The following KCNK9 variants were observed in gnomAD, a reference collection of about 807,000 sequenced individuals.
The protein encoded by KCNK9 is potassium two pore domain channel subfamily K member 9.
A neutral mutation model predicts 10.8 loss-of-function variants in KCNK9; 1 was observed. The ratio of observed to expected loss-of-function variants is 0.09; its 90% CI spans 0.03 to 0.44. The LOEUF (loss-of-function observed/expected upper bound fraction) is 0.44. KCNK9 is among the 20% of genes least tolerant of loss of function. The pLI, the probability that KCNK9 is intolerant of heterozygous loss-of-function variation, is 0.97. For synonymous variants in KCNK9, 231 were observed against 222.7 expected (o/e 1.04, Z -0.33); for missense variants, 303 against 515.0 (o/e 0.59, Z 3.98).
intron 1 of KCNK9, among the ~76,000 whole-genome samples, chr8:139,699,702 A>G (rs1563756799): frequency 6.6e-6 from 1 of 152,218 alleles, no homozygotes; most frequent in Non-Finnish European, 1.5e-5. Context: ...GGATCCCCAG[A>G]GAGCTGGGGT....
intron 1 of KCNK9, among the ~76,000 whole-genome samples, chr8:139,686,191 A>ACATAGT (rs752033282): frequency 5.9e-5 from 9 of 152,374 alleles, no homozygotes; most frequent in Admixed American, 3.3e-4. Flanking sequence ...ACCATTCAGG[A>ACATAGT]CATAGTCATG....
At position 139,618,492 on chromosome 8, in the gene KCNK9, GCA is replaced by G; in HGVS notation, c.889_890del (p.Cys297LeufsTer55). 6.2e-7 allele frequency: 1 copy of G among 1,613,824 alleles called. No individual in the cohort carries two copies. Among genetic ancestry groups the G allele is most frequent in the Non-Finnish European group, 8.5e-7 (1 of 1,180,018 alleles). ...KADVPDLQSV[C>X]SCTCYRSQDY... Reference sequence around the variant, plus strand: ...CCTGCGAGCGGTAGCAGGTGCAGGAGCACACAGACTGCAGGTCCGGGACGTCC... The same window carrying G: ...CCTGCGAGCGGTAGCAGGTGCAGGAGCACAGACTGCAGGTCCGGGACGTCC... On this transcript the variant is annotated frameshift_variant, in exon 2 of 2. Transcript: ENST00000520439. LOFTEE classifies it low-confidence loss of function (END_TRUNC). This position sits in a 1 kb window ranked among gnomAD's most constrained non-coding sequence, Gnocchi z 7.9.
chr8:139,602,208 C>T (rs1817387629), intron 2 of KCNK9: 1 of 152,278 alleles, frequency 6.6e-6, no homozygotes, highest in Admixed American at 6.5e-5. Context: ...AAGTGCAACC[C>T]TGATAGGCCT....
chr8:139,639,987 C>A (rs1362303806), intron 1 of KCNK9, among the ~76,000 whole-genome samples: 2 of 152,148 alleles, frequency 1.3e-5, no homozygotes, highest in African/African-American at 4.8e-5. Flanking sequence ...ACAGTGGGGG[C>A]CTGCCTGGTT....
intron 1 of KCNK9, among the ~76,000 whole-genome samples, chr8:139,686,055 G>A (rs953710447): frequency 2.0e-5 from 3 of 152,186 alleles, no homozygotes; most frequent in African/African-American, 7.2e-5. Context: ...AAACTGGCTA[G>A]CCATATGTAG....
At chr8:139,623,017 C>A (rs1029468800) in intron 1 of KCNK9, among the ~76,000 whole-genome samples, 1 of 152,190 alleles carries the variant, frequency 6.6e-6, no homozygotes, top group Non-Finnish European at 1.5e-5. Context: ...GCAGTGTGTG[C>A]GCCTGTAGAA....
intron 1 of KCNK9, among the ~76,000 whole-genome samples, chr8:139,639,215 C>A (rs570951555): frequency 5.9e-5 from 9 of 152,328 alleles, no homozygotes; most frequent in African/African-American, 1.9e-4. Flanking sequence ...TACCACTCAC[C>A]GAGCACTCGC....
chr8:139,606,514 T>C (rs1449305430), intron 2 of KCNK9, among the ~76,000 whole-genome samples: 2 of 152,158 alleles, frequency 1.3e-5, no homozygotes, highest in African/African-American at 4.8e-5. Flanking sequence ...TATATGCCAA[T>C]CATTTTGATG....
rs1254715369 is a variant in KCNK9, at chr8:139,678,368, C to T, written c.283+24342G>A. Reference sequence around the variant, plus strand: ...TGGGTGAGAGCCCTGAGGTCACTGTCCCTCTAGGACCACAGCCCCGTGTCC... The same window carrying T: ...TGGGTGAGAGCCCTGAGGTCACTGTTCCTCTAGGACCACAGCCCCGTGTCC... On this transcript the variant is annotated intron_variant, in intron 1 of 1. Transcript: ENST00000520439. Among the ~76,000 whole-genome samples, 3 of 152,218 alleles carry T rather than the reference C, an allele frequency of 2.0e-5. No homozygotes were observed. The South Asian group carries it at 6.2e-4, about 32-fold the overall frequency.
chr8:139,643,863 C>T (rs1400983480), intron 1 of KCNK9, among the ~76,000 whole-genome samples: 1 of 152,212 alleles, frequency 6.6e-6, no homozygotes, highest in African/African-American at 2.4e-5. Context: ...TGAGCCACAG[C>T]CCCCAGCCCC....
intron 1 of KCNK9, among the ~76,000 whole-genome samples, chr8:139,689,275 AG>A (rs1816884967): frequency 6.6e-6 from 1 of 152,228 alleles, no homozygotes; most frequent in South Asian, 2.1e-4. Context: ...ACGAATCCAA[AG>A]GTAGACTGTG....
At chr8:139,630,564 C>A (rs971960414) in intron 1 of KCNK9, among the ~76,000 whole-genome samples, 3 of 152,258 alleles carry the variant, frequency 2.0e-5, no homozygotes, top group African/African-American at 7.2e-5. Flanking sequence ...AGACACAGGC[C>A]TGAGCCTGCA....
At chr8:139,688,377 A>G (rs1242178568) in intron 1 of KCNK9, among the ~76,000 whole-genome samples, 1 of 152,194 alleles carries the variant, frequency 6.6e-6, no homozygotes, top group East Asian at 1.9e-4. Flanking sequence ...AAAACTTACA[A>G]TCGTGGTGGA....
intron 1 of KCNK9, among the ~76,000 whole-genome samples, chr8:139,628,402 G>A (rs1417925282): frequency 6.6e-6 from 1 of 152,220 alleles, no homozygotes; most frequent in Non-Finnish European, 1.5e-5. Flanking sequence ...GGTCGTTCTG[G>A]GTAATCTAAG....
chr8:139,602,777 C>T (rs1027529208), intron 2 of KCNK9, among the ~76,000 whole-genome samples: 14 of 152,322 alleles, frequency 9.2e-5, no homozygotes, highest in African/African-American at 2.6e-4. Flanking sequence ...GAGGTGCTCA[C>T]GTGAGAAGGA....
chr8:139,618,526 T>C lies in KCNK9; in HGVS notation c.857A>G (p.Tyr286Cys). The C allele has an allele frequency of 6.2e-7, 1 of 1,613,662 alleles. No homozygotes were observed. Among genetic ancestry groups the C allele is most frequent in the South Asian group, 1.1e-5 (1 of 91,072 alleles). Residue 286 changes from tyrosine (Y) to cysteine (C), a missense_variant, in exon 2 of 2, where the codon TAC becomes TGC. By Grantham distance (194) the Tyr-to-Cys change is radical. Around this residue, in one of 5 missense-constraint regions of KCNK9, gnomAD observed 138 missense variants for 161.1 expected, o/e 0.86. Transcript: ENST00000520439. The surrounding 1 kb of genome is among the most constrained non-coding windows in gnomAD (Gnocchi z 7.9). ...PEEPRPSRPR[Y>C]KADVPDLQSV... Reference sequence around the variant, plus strand: ...CTGCAGGTCCGGGACGTCCGCCTTGTACCTGGGCCGGCTGGGCCGCGGCTC... The same window carrying C: ...CTGCAGGTCCGGGACGTCCGCCTTGCACCTGGGCCGGCTGGGCCGCGGCTC...
chr8:139,696,976 G>A (rs953000406), intron 1 of KCNK9, among the ~76,000 whole-genome samples: 2 of 150,820 alleles, frequency 1.3e-5, no homozygotes, highest in East Asian at 2.0e-4. Context: ...TGGATGGGTG[G>A]GTGGGTAGGT....
downstream of KCNK9, among the ~76,000 whole-genome samples, chr8:139,607,777 C>A (rs530228775): frequency 1.3e-4 from 20 of 152,352 alleles, no homozygotes; most frequent in East Asian, 3.5e-3. Context: ...TGGGCCCTGT[C>A]TCTCCAAATT....
At chr8:139,650,287 G>A (rs1815824475) in intron 1 of KCNK9, among the ~76,000 whole-genome samples, 4 of 152,196 alleles carry the variant, frequency 2.6e-5, no homozygotes, top group South Asian at 2.1e-4. Context: ...GCTCACTCAC[G>A]TTACTTCACA....
Sources: allele counts gnomAD v4.1 joint callset (sites outside exome capture counted in the v4.1 genomes callset), GRCh38; gene constraint gnomAD v4.1.1; regional missense constraint gnomAD v4.1.1; non-coding constraint Gnocchi (gnomAD v3.1); transcripts MANE v1.5; gene names NCBI Gene and HGNC (gene_info 2026-07-23, HGNC 2026-07-21).